DLG2: variants seen among roughly 807,000 people sequenced by gnomAD.
DLG2 encodes disks large homolog 2.
Under a neutral mutation model 132.5 loss-of-function variants are expected in DLG2, and 45 were observed. That is an observed-to-expected ratio of 0.34 (90% CI 0.27 to 0.44). The LOEUF (loss-of-function observed/expected upper bound fraction) is 0.44, where lower values mean the gene tolerates loss of function less well. Ranked by LOEUF, DLG2 falls within the 20% of genes least tolerant of loss-of-function variation. The pLI, the probability that DLG2 is intolerant of heterozygous loss-of-function variation, is 1.00. For missense variants in DLG2, 1,045 were observed against 1,196.9 expected (o/e 0.87, Z 1.87); for synonymous variants, 424 against 419.6 (o/e 1.01, Z -0.13).
chr11:83,991,373 A>G (rs2093699942), intron 11 of DLG2, among the ~76,000 whole-genome samples: 1 of 152,158 alleles, frequency 6.6e-6, no homozygotes, highest in Non-Finnish European at 1.5e-5. Context: ...ATACCCACTC[A>G]TACCTTTAGC....
chr11:84,737,609 C>T (rs1257140332), intron 6 of DLG2, among the ~76,000 whole-genome samples: 1 of 151,602 alleles, frequency 6.6e-6, no homozygotes, highest in African/African-American at 2.4e-5. Context: ...TATTATATTG[C>T]ATTTCAAGAA....
chr11:83,595,528 G>C (rs1173013465), intron 19 of DLG2, among the ~76,000 whole-genome samples: 1 of 152,188 alleles, frequency 6.6e-6, no homozygotes, highest in South Asian at 2.1e-4. Context: ...CTGCACAAGT[G>C]GCTCTGTGAC....
chr11:84,138,273 G>T (rs117031076), intron 9 of DLG2, among the ~76,000 whole-genome samples: 1 of 152,290 alleles, frequency 6.6e-6, no homozygotes, highest in East Asian at 1.9e-4. Flanking sequence ...ACAAAGATCA[G>T]ATTTCCAGAA....
chr11:83,987,498 G>C (rs893230887), intron 11 of DLG2, among the ~76,000 whole-genome samples: 1 of 152,054 alleles, frequency 6.6e-6, no homozygotes, highest in African/African-American at 2.4e-5. Context: ...CCAAAACAGA[G>C]ATATAGATCA....
chr11:83,795,409 G>T (rs7105461), intron 17 of DLG2, among the ~76,000 whole-genome samples: 4 of 127,194 alleles, frequency 3.1e-5, no homozygotes, highest in Non-Finnish European at 6.9e-5. Context: ...CTCTTTATAA[G>T]AAAAAAAATA....
chr11:85,121,113 A>G (rs888578413), intron 5 of DLG2, among the ~76,000 whole-genome samples: 1 of 152,040 alleles, frequency 6.6e-6, no homozygotes, highest in Non-Finnish European at 1.5e-5. Flanking sequence ...TGATACTGAT[A>G]CACTTTGTTC....
At chr11:84,952,037 T>C (rs901635678) in intron 6 of DLG2, among the ~76,000 whole-genome samples, 2 of 152,230 alleles carry the variant, frequency 1.3e-5, no homozygotes, top group African/African-American at 4.8e-5. Flanking sequence ...GGTGGTAACC[T>C]TAAAAAGCTT....
chr11:84,922,836 A>G (rs1448186874), intron 6 of DLG2, among the ~76,000 whole-genome samples: 2 of 136,972 alleles, frequency 1.5e-5, no homozygotes, highest in East Asian at 2.5e-4. Context: ...CCACCCCCCA[A>G]CTATGAGCGT....
intron 3 of DLG2, among the ~76,000 whole-genome samples, chr11:85,538,472 C>A (rs2075752720): frequency 6.6e-6 from 1 of 151,780 alleles, no homozygotes; most frequent in Non-Finnish European, 1.5e-5. Context: ...CCATTTGACC[C>A]AGCAATTGCA....
intron 3 of DLG2, among the ~76,000 whole-genome samples, chr11:85,596,319 C>A (rs1326531334): frequency 6.6e-6 from 1 of 152,110 alleles, no homozygotes; most frequent in Non-Finnish European, 1.5e-5. Context: ...AACCGGGAGG[C>A]AGAGGCTGCA....
chr11:84,626,546 T>C (rs1238479334), intron 6 of DLG2, among the ~76,000 whole-genome samples: 1 of 152,130 alleles, frequency 6.6e-6, no homozygotes, highest in Non-Finnish European at 1.5e-5. Flanking sequence ...CTTCTTGATA[T>C]GTGAGGCTAA....
chr11:84,513,296 A>T (rs2099262551), intron 7 of DLG2, among the ~76,000 whole-genome samples: 1 of 152,092 alleles, frequency 6.6e-6, no homozygotes, highest in Non-Finnish European at 1.5e-5. Context: ...TCCTATAAAA[A>T]TACCAATGAC....
At chr11:84,038,497 T>A (rs919658985) in intron 11 of DLG2, among the ~76,000 whole-genome samples, 2 of 151,962 alleles carry the variant, frequency 1.3e-5, no homozygotes, top group Non-Finnish European at 2.9e-5. Context: ...TGTGTTTTTT[T>A]AAAAAAGTAT....
intron 6 of DLG2, among the ~76,000 whole-genome samples, chr11:85,082,056 A>C (rs1187270523): frequency 6.6e-6 from 1 of 152,168 alleles, no homozygotes; most frequent in East Asian, 1.9e-4. Flanking sequence ...CCATTTAAAA[A>C]AAATGGGCAA....
intron 7 of DLG2, among the ~76,000 whole-genome samples, chr11:84,333,557 A>G (rs865970230): frequency 6.6e-6 from 1 of 152,232 alleles, no homozygotes; most frequent in Admixed American, 6.5e-5. Context: ...GTACATTCAA[A>G]TTACAGAAAA....
intron 6 of DLG2, among the ~76,000 whole-genome samples, chr11:84,991,857 T>C (rs934259114): frequency 1.3e-5 from 2 of 152,228 alleles, no homozygotes; most frequent in African/African-American, 4.8e-5. Flanking sequence ...TCTCTTCTTA[T>C]GTTTGGAATC....
chr11:83,811,391 T>C (rs1389450976), intron 17 of DLG2, among the ~76,000 whole-genome samples: 2 of 152,052 alleles, frequency 1.3e-5, no homozygotes, highest in African/African-American at 2.4e-5. Flanking sequence ...CCACACAAAA[T>C]TGACAATATT....
At chr11:84,220,956 G>GTT (rs376056448) in intron 8 of DLG2, among the ~76,000 whole-genome samples, 48 of 125,780 alleles carry the variant, frequency 3.8e-4, no homozygotes, top group East Asian at 3.0e-3. Context: ...CCCAGCTGAT[G>GTT]TTTTTTTTTT....
intron 4 of DLG2, among the ~76,000 whole-genome samples, chr11:85,281,110 G>A (rs1259949827): frequency 6.6e-6 from 1 of 151,960 alleles, no homozygotes; most frequent in East Asian, 1.9e-4. Flanking sequence ...CATATGCTGA[G>A]GAAGTAAGAA....
Sources: gnomAD v4.1 joint callset for allele counts (sites outside exome capture counted in the v4.1 genomes callset) on GRCh38, gnomAD v4.1.1 for gene constraint, MANE v1.5 for transcripts, NCBI Gene and HGNC (gene_info 2026-07-23, HGNC 2026-07-21) for gene names.